TNS3: variants seen among roughly 807,000 people sequenced by gnomAD.
TNS3 encodes the protein tensin 3.
Under a neutral mutation model 140.9 loss-of-function variants are expected in TNS3, and 45 were observed. That is an observed-to-expected ratio of 0.32 (90% CI 0.25 to 0.41). The LOEUF is 0.41. Among genes scored for constraint, TNS3 ranks in the 10% least tolerant of loss-of-function variants. The pLI is 1.00. For missense variants in TNS3, 1,716 were observed against 1,906.7 expected (o/e 0.90, Z 1.86); for synonymous variants, 815 against 788.4 (o/e 1.03, Z -0.56).
chr7:47,326,142 A>G (rs1034332480), intron 20 of TNS3, among the ~76,000 whole-genome samples: 5 of 152,314 alleles, frequency 3.3e-5, no homozygotes, highest in African/African-American at 9.6e-5. Context: ...TCATATAAAG[A>G]AAGTAAAATG....
At chr7:47,413,245 C>T (rs1190035954) in intron 12 of TNS3, among the ~76,000 whole-genome samples, 1 of 136,090 alleles carries the variant, frequency 7.3e-6, no homozygotes, top group Non-Finnish European at 1.5e-5. Flanking sequence ...AGCCACCAAG[C>T]CTGGCCTTTT....
intron 10 of TNS3, among the ~76,000 whole-genome samples, chr7:47,420,425 G>A (rs534063538): frequency 2.6e-5 from 4 of 152,270 alleles, no homozygotes; most frequent in South Asian, 2.1e-4. Flanking sequence ...TCTTGGGCAC[G>A]TGCATTAACA....
At chr7:47,500,835 T>A (rs1798185497) in intron 3 of TNS3, among the ~76,000 whole-genome samples, 1 of 152,130 alleles carries the variant, frequency 6.6e-6, no homozygotes, top group African/African-American at 2.4e-5. Flanking sequence ...ATCCCAGCAC[T>A]CTGGGAGGCC....
At chr7:47,317,391 C>A (rs1787474553) in intron 20 of TNS3, among the ~76,000 whole-genome samples, 1 of 152,166 alleles carries the variant, frequency 6.6e-6, no homozygotes, top group African/African-American at 2.4e-5. Context: ...ACAGTTGGAG[C>A]CCTATTTTCT....
chr7:47,423,559 G>C (rs1794490701), intron 10 of TNS3, among the ~76,000 whole-genome samples: 1 of 152,226 alleles, frequency 6.6e-6, no homozygotes, highest in Non-Finnish European at 1.5e-5. Flanking sequence ...GTGGCCTCAG[G>C]GAACTGATGA....
At chr7:47,388,313 G>A (rs79920368) in intron 16 of TNS3, among the ~76,000 whole-genome samples, 36,743 of 152,078 alleles carry the variant, frequency 0.24, 4,715 homozygotes, top group East Asian at 0.43. Context: ...CAGGGAGACT[G>A]TGGGGATGGA....
chr7:47,389,475 A>G (rs1792381989), intron 16 of TNS3, among the ~76,000 whole-genome samples: 1 of 152,206 alleles, frequency 6.6e-6, no homozygotes, highest in Non-Finnish European at 1.5e-5. Context: ...TGATTTCTGC[A>G]AACTTGTACA....
chr7:47,352,112 CTT>C (rs1491321480), intron 17 of TNS3, among the ~76,000 whole-genome samples: 134 of 97,906 alleles, frequency 1.4e-3, no homozygotes, highest in African/African-American at 4.8e-3. Flanking sequence ...ACTTCACACT[CTT>C]AGTCTCTCAC....
At chr7:47,543,651 C>T (rs1469218351) in intron 1 of TNS3, among the ~76,000 whole-genome samples, 2 of 85,736 alleles carry the variant, frequency 2.3e-5, no homozygotes, top group Non-Finnish European at 4.8e-5. Flanking sequence ...TTACACAACA[C>T]TGTTTCTCAT....
intron 3 of TNS3, among the ~76,000 whole-genome samples, chr7:47,491,450 C>T (rs1031652099): frequency 1.3e-5 from 2 of 152,044 alleles, no homozygotes; most frequent in African/African-American, 2.4e-5. Context: ...TACGACCTCG[C>T]GGGGTGGATG....
chr7:47,288,375 C>T (rs910515793), intron 27 of TNS3, among the ~76,000 whole-genome samples: 1 of 152,206 alleles, frequency 6.6e-6, no homozygotes. Flanking sequence ...CGTTCTTCTG[C>T]GCTTTCTTGA....
In TNS3 at chr7:47,368,927, G is replaced by A. The variant is rs753083288; in HGVS notation, c.1719C>T (p.Ser573=). ...TCTGCCCATAGGCCTGCATCTGGGC[G>A]GACACTGAGGGCTTTCTCAGCAGGG... ...PQPLLRKPSV[S]AQMQAYGQSS... The change falls in exon 17 of 31, where the codon TCC becomes TCT. Residue 573 remains serine (S), a synonymous_variant. Coordinates refer to ENST00000311160, the MANE Select transcript of TNS3 (RefSeq NM_022748.12). The A allele has an allele frequency of 4.3e-5, 69 of 1,613,170 alleles. No homozygotes were observed. Among genetic ancestry groups the A allele is most frequent in the Admixed American group, 1.7e-4 (10 of 59,964 alleles).
intron 17 of TNS3, among the ~76,000 whole-genome samples, chr7:47,361,551 C>T (rs568165303): frequency 1.3e-5 from 2 of 152,338 alleles, no homozygotes; most frequent in African/African-American, 4.8e-5. Flanking sequence ...CCTTCTGCCA[C>T]GGAATCAGAG....
chr7:47,400,290 T>C, intron 15 of TNS3, 103 bp downstream of exon 15: 1 of 940,932 alleles, frequency 1.1e-6, no homozygotes, highest in Non-Finnish European at 1.7e-6. Flanking sequence ...AATCTCCAAA[T>C]ATGCACAAAG....
intron 3 of TNS3, among the ~76,000 whole-genome samples, chr7:47,498,170 G>A (rs1326051737): frequency 6.6e-6 from 1 of 152,236 alleles, no homozygotes; most frequent in East Asian, 1.9e-4. Flanking sequence ...GTGGGGTTCA[G>A]AAGAAGATTT....
chr7:47,286,657 G>A (rs1785435739), intron 27 of TNS3, among the ~76,000 whole-genome samples: 1 of 152,098 alleles, frequency 6.6e-6, no homozygotes, highest in Admixed American at 6.5e-5. Flanking sequence ...CCCACATGTG[G>A]GAATTTGTCC....
chr7:47,279,469 G>A (rs1261727957), intron 30 of TNS3: 1 of 152,868 alleles, frequency 6.5e-6, no homozygotes, highest in Non-Finnish European at 1.5e-5. Context: ...TTGGGAGGCT[G>A]AGGCAGGTGG....
intron 7 of TNS3, among the ~76,000 whole-genome samples, chr7:47,436,578 T>A (rs1289378918): frequency 6.6e-6 from 1 of 152,028 alleles, no homozygotes; most frequent in African/African-American, 2.4e-5. Flanking sequence ...TGCACCTGTA[T>A]CCCAGAACTT....
chr7:47,413,908 A>ACAGCAGCAG (rs548858209), intron 12 of TNS3, 29 bp downstream of exon 12: 9 of 1,599,840 alleles, frequency 5.6e-6, no homozygotes, highest in African/African-American at 2.7e-5. Flanking sequence ...AGGTCCCACA[A>ACAGCAGCAG]CAGCAGCAGC....
Sources: allele counts gnomAD v4.1 joint callset (sites outside exome capture counted in the v4.1 genomes callset), GRCh38; gene constraint gnomAD v4.1.1; transcripts MANE v1.5; gene names NCBI Gene and HGNC (gene_info 2026-07-23, HGNC 2026-07-21).